TCP11L1: variants seen among roughly 807,000 people sequenced by gnomAD.
TCP11L1 encodes the protein t-complex 11 like 1, also known as T-complex protein 11-like protein 1.
TCP11L1 carries 28 observed loss-of-function variants against 48.9 expected under a neutral mutation model. The observed-to-expected ratio is 0.57, with a 90% CI of 0.42 to 0.78. TCP11L1 has a LOEUF of 0.78. Ranked by LOEUF, TCP11L1 falls within the 30% of genes least tolerant of loss-of-function variation. The probability of loss-of-function intolerance (pLI) is 0.00; values close to 1 mark genes in which losing one functional copy is unlikely to be tolerated. For synonymous variants in TCP11L1, 204 were observed against 231.9 expected (o/e 0.88, Z 1.09); for missense variants, 505 against 613.4 (o/e 0.82, Z 1.87).
At chr11:33,059,629 G>C (rs1028499743) in intron 6 of TCP11L1, among the ~76,000 whole-genome samples, 2 of 152,182 alleles carry the variant, frequency 1.3e-5, no homozygotes, top group African/African-American at 4.8e-5. Flanking sequence ...GCTTTTTATG[G>C]TCTCTGCATT....
Position 33,061,591 on chromosome 11 carries a change from G to A in TCP11L1, c.837G>A (p.Lys279=). ...CCTCAGAGGACCTTATGACTCAGAA[G>A]TATAAACACGCCCTGCCAGTGGGGG... ...EEASEDLMTQ[K]YKHALPVGGM... is the part of the protein sequence containing the mutation. Residue 279 remains lysine (K), a synonymous_variant, in exon 7 of 10, where the codon AAG becomes AAA. Transcript: ENST00000334274. 1 of 1,612,230 alleles carries A rather than the reference G, an allele frequency of 6.2e-7. No homozygotes were observed. The highest frequency in any genetic ancestry group is 8.5e-7 in the Non-Finnish European group (1 of 1,179,212).
chr11:33,070,685 CAAAAAAAAA>C (rs1182483117), intron 9 of TCP11L1, among the ~76,000 whole-genome samples: 1 of 71,574 alleles, frequency 1.4e-5, no homozygotes, highest in East Asian at 3.5e-4. Context: ...AAGTCTGTCT[CAAAAAAAAA>C]AAAAAAAAAA....
Position 33,061,627 on chromosome 11 carries a change from T to C in TCP11L1, c.873T>C (p.Ala291=), listed in dbSNP as rs1854469698. 6.2e-7 allele frequency: 1 copy of C among 1,612,968 alleles called. No individual in the cohort carries two copies. Residue 291 remains alanine (A), a synonymous_variant, in exon 7 of 10, where the codon GCT becomes GCC. Coordinates refer to ENST00000334274, the MANE Select transcript of TCP11L1 (RefSeq NM_018393.4). ...CCCTGCCAGTGGGGGGAATGGCTGC[T>C]GGCTCTGGGGACATGCCCAGGCTGA... ...KHALPVGGMA[A]GSGDMPRLSP...
chr11:33,059,534 A>G (rs1414501311), intron 6 of TCP11L1, among the ~76,000 whole-genome samples: 1 of 152,184 alleles, frequency 6.6e-6, no homozygotes, highest in East Asian at 1.9e-4. Flanking sequence ...CATACCCAGG[A>G]AGAGTCTCAT....
chr11:33,055,848 C>T (rs567774965), intron 3 of TCP11L1, among the ~76,000 whole-genome samples: 5 of 152,306 alleles, frequency 3.3e-5, no homozygotes, highest in African/African-American at 9.6e-5. Context: ...GATGGAGTGT[C>T]GCTCTGTCGC....
intron 8 of TCP11L1, 152 bp downstream of exon 8, chr11:33,066,163 G>A (rs189557893): frequency 2.5e-5 from 24 of 968,400 alleles, no homozygotes; most frequent in East Asian, 5.1e-5. Context: ...TTCACTTGGC[G>A]AAGACCCCAG....
chr11:33,041,089 G>A (rs1430881115), intron 1 of TCP11L1: 1 of 152,180 alleles, frequency 6.6e-6, no homozygotes, highest in African/African-American at 2.4e-5. Context: ...AGTTGAGAAA[G>A]GTGCAATCAC....
intron 2 of TCP11L1, among the ~76,000 whole-genome samples, chr11:33,045,609 G>T (rs1164319103): frequency 6.6e-6 from 1 of 152,210 alleles, no homozygotes; most frequent in African/African-American, 2.4e-5. Context: ...ACAACCTATA[G>T]TTTCTGCTAA....
chr11:33,068,338 T>C (rs986502282), intron 8 of TCP11L1, among the ~76,000 whole-genome samples: 3 of 152,230 alleles, frequency 2.0e-5, no homozygotes, highest in Non-Finnish European at 4.4e-5. Context: ...ACCAAATGCC[T>C]GCTTTCTTGT....
chr11:33,068,439 G>A (rs926151398), intron 8 of TCP11L1, among the ~76,000 whole-genome samples: 9 of 152,062 alleles, frequency 5.9e-5, no homozygotes, highest in Admixed American at 4.6e-4. Flanking sequence ...GCTTTGGGTC[G>A]TTGGTCCTGG....
intron 2 of TCP11L1, among the ~76,000 whole-genome samples, chr11:33,047,612 C>T (rs1314356659): frequency 1.3e-5 from 2 of 152,196 alleles, no homozygotes; most frequent in Non-Finnish European, 2.9e-5. Context: ...GAATAGATGA[C>T]ACGAGAACTT....
At position 33,059,067 on chromosome 11, in the gene TCP11L1, G is replaced by C; in HGVS notation, c.747G>C (p.Lys249Asn). The change falls in exon 6 of 10, where the codon AAG becomes AAC. Residue 249 changes from lysine to asparagine, a missense_variant. This residue lies in a region of TCP11L1 where 335 missense variants were observed against 413.3 expected (regional missense o/e 0.81). Transcript: ENST00000334274. The part of the protein sequence containing the change: ...MQQSVEYERK[K>N]FQEILERQPN... ...AGTCAGTTGAATACGAAAGGAAGAAGTTTCAAGAGATTTTGGAGAGGCAAC... is the reference window on the plus strand; with the variant it reads ...AGTCAGTTGAATACGAAAGGAAGAACTTTCAAGAGATTTTGGAGAGGCAAC... 6.2e-7 allele frequency: 1 copy of C among 1,614,162 alleles called. No individual in the cohort carries two copies. Among genetic ancestry groups the C allele is most frequent in the Non-Finnish European group, 8.5e-7 (1 of 1,180,020 alleles).
chr11:33,054,683 A>G lies in TCP11L1; in HGVS notation c.254A>G (p.Asn85Ser). The G allele has an allele frequency of 6.2e-7, 1 of 1,614,014 alleles. No individual in the cohort carries two copies. The highest frequency in any genetic ancestry group is 8.5e-7 in the Non-Finnish European group (1 of 1,179,954). ...NMALAHEIVVNGDFQIKPVEL... is the reference protein window; with the variant it reads ...NMALAHEIVVSGDFQIKPVEL... Reference sequence around the variant, plus strand: ...GCTCTAGCCCATGAAATTGTAGTAAATGGAGACTTTCAGATTAAACCAGTT... The same window carrying G: ...GCTCTAGCCCATGAAATTGTAGTAAGTGGAGACTTTCAGATTAAACCAGTT... Residue 85 changes from asparagine to serine, a missense_variant, in exon 3 of 10, where the codon AAT becomes AGT. Around this residue, in one of 3 missense-constraint regions of TCP11L1, gnomAD observed 168 missense variants for 183.5 expected, o/e 0.92. Transcript: ENST00000334274.
intron 4 of TCP11L1, 66 bp downstream of exon 4, chr11:33,057,301 TCACCAC>T: frequency 6.2e-7 from 1 of 1,602,790 alleles, no homozygotes; most frequent in Non-Finnish European, 8.5e-7. Flanking sequence ...ACTTCTTGTG[TCACCAC>T]CAGAAGACTT....
chr11:33,060,818 C>T (rs1440038732), intron 6 of TCP11L1, among the ~76,000 whole-genome samples: 1 of 152,180 alleles, frequency 6.6e-6, no homozygotes, highest in Non-Finnish European at 1.5e-5. Flanking sequence ...GGTGTCTCAT[C>T]CTATCTGTCT....
At chr11:33,066,915 G>A (rs1854637030) in intron 8 of TCP11L1, among the ~76,000 whole-genome samples, 3 of 151,966 alleles carry the variant, frequency 2.0e-5, no homozygotes, top group Non-Finnish European at 4.4e-5. Flanking sequence ...TCTCAAACTG[G>A]AACTGACCCT....
intron 7 of TCP11L1, among the ~76,000 whole-genome samples, chr11:33,065,012 G>T (rs1337814288): frequency 6.6e-6 from 1 of 152,204 alleles, no homozygotes; most frequent in Non-Finnish European, 1.5e-5. Flanking sequence ...ACTGAGTGAG[G>T]GTTCACAGGA....
chr11:33,067,000 C>T (rs1447492662), intron 8 of TCP11L1, among the ~76,000 whole-genome samples: 1 of 152,030 alleles, frequency 6.6e-6, no homozygotes, highest in Non-Finnish European at 1.5e-5. Flanking sequence ...TTGCTACCCA[C>T]TGAATTGCTT....
chr11:33,056,320 A>T (rs1017874194), intron 3 of TCP11L1, among the ~76,000 whole-genome samples: 4 of 152,214 alleles, frequency 2.6e-5, no homozygotes, highest in Non-Finnish European at 5.9e-5. Flanking sequence ...CATGTTGGCC[A>T]GGCTGGTCTT....
Sources: allele counts gnomAD v4.1 joint callset (sites outside exome capture counted in the v4.1 genomes callset), GRCh38; gene constraint gnomAD v4.1.1; regional missense constraint gnomAD v4.1.1; transcripts MANE v1.5; gene names NCBI Gene and HGNC (gene_info 2026-07-23, HGNC 2026-07-21).